OR56A1: variants seen among roughly 807,000 people sequenced by gnomAD.
OR56A1 encodes the protein olfactory receptor family 56 subfamily A member 1.
For missense variants in OR56A1, 360 were observed against 380.9 expected (o/e 0.94, Z 0.46); for synonymous variants, 174 against 159.1 (o/e 1.09, Z -0.70).
upstream of OR56A1, among the ~76,000 whole-genome samples, chr11:6,031,674 G>A (rs1464145461): frequency 6.6e-6 from 1 of 152,206 alleles, no homozygotes; most frequent in Non-Finnish European, 1.5e-5. Context: ...GTAAAATACA[G>A]CTAAATGAGT....
rs1564815999 is a variant in OR56A1 at position 6,026,082 on chromosome 11, C to T, written c.*666G>A. 1 of 152,202 alleles carries T rather than the reference C, an allele frequency of 6.6e-6. No individual in the cohort carries two copies. The highest frequency in any genetic ancestry group is 6.5e-5 in the Admixed American group (1 of 15,276). 9.4% of individuals were successfully genotyped at this position (152,202 alleles called of 1,614,324 possible). A position where few individuals can be genotyped will look rare whatever the true frequency, so the allele number is the denominator to read the frequency against. On this transcript the variant is annotated 3_prime_UTR_variant, in exon 2 of 2. Coordinates refer to ENST00000641900, the MANE Select transcript of OR56A1 (RefSeq NM_001388488.1). The stretch of plus-strand genomic sequence containing the variant: ...TCCTGTTTCCTACTCTCTTAGGGTC[C>T]CCTCTACCTGTCTGCATCCATCCTC...
At position 6,027,641 on chromosome 11, in the gene OR56A1, T is replaced by C. The variant is rs1180677107; in HGVS notation, c.52A>G (p.Ile18Val). 7 of 1,610,838 alleles carry C rather than the reference T, an allele frequency of 4.3e-6. No individual in the cohort carries two copies. The East Asian group carries it at 8.9e-5, about 21-fold the overall frequency. Residue 18 changes from isoleucine to valine, a missense_variant, in exon 2 of 2, where the codon ATC becomes GTC. Ile to Val is a conservative substitution (Grantham distance 29). Coordinates refer to ENST00000641900, the MANE Select transcript of OR56A1 (RefSeq NM_001388488.1). ...STVPVSEFLLICFPNFQSWQH... is the reference protein window; with the variant it reads ...STVPVSEFLLVCFPNFQSWQH... ...CAACTCTGGAAGTTGGGGAAGCAGA[T>C]GAGGAGGAATTCAGAGACTGGGACA...
At chr11:6,029,826 T>C (rs1848495572) in intron 1 of OR56A1, among the ~76,000 whole-genome samples, 1 of 152,182 alleles carries the variant, frequency 6.6e-6, no homozygotes, top group African/African-American at 2.4e-5. Context: ...ATCTTGTCTA[T>C]GTCATTAGAC....
rs1424606959 is a variant in OR56A1, at chr11:6,019,815, A to C, written c.*6933T>G. ...AGTGAATGTCAGAAGGCTTTTTCTC[A>C]AAAGCATTTAGGCACAGTATTCAAT... is the stretch of plus-strand genomic sequence containing the variant. On this transcript the variant is annotated 3_prime_UTR_variant, in exon 2 of 2. Transcript: ENST00000641900. 1 of 152,112 alleles carries C rather than the reference A, an allele frequency of 6.6e-6. No homozygotes were observed. The highest frequency in any genetic ancestry group is 2.4e-5 in the African/African-American group (1 of 41,436). The allele number at this position is 152,112 out of a possible 1,614,324, so 9.4% of individuals were successfully genotyped here.
At chr11:6,031,707 T>C (rs892661914), upstream of OR56A1, among the ~76,000 whole-genome samples, 2 of 152,184 alleles carry the variant, frequency 1.3e-5, no homozygotes, top group Admixed American at 1.3e-4. Flanking sequence ...TACTGGGATA[T>C]GTCAAGAACG....
Position 6,027,242 on chromosome 11 carries a change from T to C in OR56A1, c.451A>G (p.Ile151Val), listed in dbSNP as rs2133605896. 4 of 1,614,184 alleles carry C rather than the reference T, an allele frequency of 2.5e-6. No individual in the cohort carries two copies. Among genetic ancestry groups the C allele is most frequent in the Non-Finnish European group, 3.4e-6 (4 of 1,180,036 alleles). ...NQFVAKASVFIVVRNALLTAP... is the reference protein window; with the variant it reads ...NQFVAKASVFVVVRNALLTAP... ...GTAAGAAGCGCATTCCGCACCACAATGAAGACACTAGCTTTGGCCACAAAT... is the reference window on the plus strand; with the variant it reads ...GTAAGAAGCGCATTCCGCACCACAACGAAGACACTAGCTTTGGCCACAAAT... Residue 151 changes from isoleucine to valine, a missense_variant, in exon 2 of 2, where the codon ATT becomes GTT. Ile to Val is a conservative substitution (Grantham distance 29). Transcript: ENST00000641900.
At position 6,027,273 on chromosome 11, in the gene OR56A1, A is replaced by C. The variant is rs1268225410; in HGVS notation, c.420T>G (p.Thr140=). 4 of 1,614,102 alleles carry C rather than the reference A, an allele frequency of 2.5e-6. No individual in the cohort carries two copies. The South Asian group carries it at 4.4e-5, about 18-fold the overall frequency. The change falls in exon 2 of 2, where the codon ACT becomes ACG. Residue 140 remains threonine, a synonymous_variant. Coordinates refer to ENST00000641900, the MANE Select transcript of OR56A1 (RefSeq NM_001388488.1). ...CACTAGCTTTGGCCACAAATTGATT[A>C]GTGATGATGGATGGGTACCGCAGTG... ...CHPLRYPSII[T]NQFVAKASVF... is the part of the protein sequence containing the mutation.
At position 6,027,626 on chromosome 11, in the gene OR56A1, A is replaced by G. The variant is rs369214626; in HGVS notation, c.67T>C (p.Phe23Leu). Residue 23 changes from phenylalanine to leucine, a missense_variant, in exon 2 of 2, where the codon TTC becomes CTC. Transcript: ENST00000641900. ...SEFLLICFPN[F>L]QSWQHWLSLP... Reference sequence around the variant, plus strand: ...GAGAGCCAGTGCTGCCAACTCTGGAAGTTGGGGAAGCAGATGAGGAGGAAT... The same window carrying G: ...GAGAGCCAGTGCTGCCAACTCTGGAGGTTGGGGAAGCAGATGAGGAGGAAT... 6.6e-5 allele frequency: 106 copies of G among 1,613,188 alleles called. 1 individual carries two copies. Among genetic ancestry groups the G allele is most frequent in the Non-Finnish European group, 8.6e-5 (101 of 1,179,640 alleles).
At chr11:6,032,116 C>G (rs573692730), upstream of OR56A1, among the ~76,000 whole-genome samples, 1 of 152,080 alleles carries the variant, frequency 6.6e-6, no homozygotes, top group Non-Finnish European at 1.5e-5. Flanking sequence ...ATTCATTTGA[C>G]TGGTAGCAAC....
chr11:6,026,815 A>G lies in OR56A1; in HGVS notation c.878T>C (p.Ile293Thr), dbSNP rs1201643632. 2 of 1,614,032 alleles carry G rather than the reference A, an allele frequency of 1.2e-6. No individual in the cohort carries two copies. Among genetic ancestry groups the G allele is most frequent in the South Asian group, 1.1e-5 (1 of 91,078 alleles). Residue 293 changes from isoleucine to threonine, a missense_variant, in exon 2 of 2, where the codon ATT (isoleucine) becomes ACT (threonine). Ile to Thr is a moderately conservative substitution (Grantham distance 89). Coordinates refer to ENST00000641900, the MANE Select transcript of OR56A1 (RefSeq NM_001388488.1). ...CTCTTTGGTCCGAACCCCATACACAATAGGGTTCAATGCAGGAGGAATAAG... is the reference window on the plus strand; with the variant it reads ...CTCTTTGGTCCGAACCCCATACACAGTAGGGTTCAATGCAGGAGGAATAAG... Reference protein sequence around the residue: ...HHLIPPALNPIVYGVRTKEIK... With the variant: ...HHLIPPALNPTVYGVRTKEIK...
chr11:6,021,063 G>C lies in OR56A1; in HGVS notation c.*5685C>G, dbSNP rs900401861. On this transcript the variant is annotated 3_prime_UTR_variant, in exon 2 of 2. Coordinates refer to ENST00000641900, the MANE Select transcript of OR56A1 (RefSeq NM_001388488.1). ...GCCTTAAAATAAACATCATTAAGTA[G>C]AAAAAGAGTGGCATGGAGAAAGGGA... is the stretch of plus-strand genomic sequence containing the variant. 2.0e-5 allele frequency: 3 copies of C among 152,010 alleles called. No homozygotes were observed. The highest frequency in any genetic ancestry group is 7.2e-5 in the African/African-American group (3 of 41,416). The allele number at this position is 152,010 out of a possible 1,614,324, so 9.4% of individuals were successfully genotyped here.
In OR56A1 at chr11:6,020,205, C is replaced by G. The variant is rs910009168; in HGVS notation, c.*6543G>C. The G allele has an allele frequency of 6.6e-6, 1 of 152,106 alleles. No homozygotes were observed. Among genetic ancestry groups the G allele is most frequent in the Non-Finnish European group, 1.5e-5 (1 of 67,988 alleles). The allele number at this position is 152,106 out of a possible 1,614,324, so 9.4% of individuals were successfully genotyped here. ...TTCCAATCAAATACCAGGATCTTAA[C>G]ATAATCATAGCAGAATGTCAAGGCA... is the stretch of plus-strand genomic sequence containing the variant. On this transcript the variant is annotated 3_prime_UTR_variant, in exon 2 of 2. Transcript: ENST00000641900.
At chr11:6,032,326 T>G (rs1317793881), upstream of OR56A1, among the ~76,000 whole-genome samples, 1 of 152,126 alleles carries the variant, frequency 6.6e-6, no homozygotes, top group African/African-American at 2.4e-5. Context: ...GGTAGCTACT[T>G]CACTGAGGAA....
rs993807536 is a variant in OR56A1 at position 6,024,654 on chromosome 11, T to C, written c.*2094A>G. ...ATTAAATATTATTATTCATAGACAT[T>C]GGTATATTGCAAGTGCTCAAAACAC... On this transcript the variant is annotated 3_prime_UTR_variant, in exon 2 of 2. Transcript: ENST00000641900. 1 of 152,216 alleles carries C rather than the reference T, an allele frequency of 6.6e-6. No homozygotes were observed. The highest frequency in any genetic ancestry group is 1.5e-5 in the Non-Finnish European group (1 of 68,030). 9.4% of individuals were successfully genotyped at this position (152,216 alleles called of 1,614,324 possible).
At chr11:6,031,711 A>C (rs1316741181), upstream of OR56A1, among the ~76,000 whole-genome samples, 2 of 152,206 alleles carry the variant, frequency 1.3e-5, no homozygotes, top group African/African-American at 2.4e-5. Context: ...GGGATATGTC[A>C]AGAACGAGGT....
upstream of OR56A1, among the ~76,000 whole-genome samples, chr11:6,031,562 A>T (rs1367704389): frequency 6.6e-6 from 1 of 152,176 alleles, no homozygotes; most frequent in Admixed American, 6.5e-5. Context: ...AGTCATATAG[A>T]CAGAACTTAT....
rs1848457609 is a variant in OR56A1 at position 6,027,091 on chromosome 11, T to G, written c.602A>C (p.Tyr201Ser). The change falls in exon 2 of 2, where the codon TAC (tyrosine) becomes TCC (serine). Residue 201 changes from tyrosine to serine, a missense_variant. By Grantham distance (144) the Tyr-to-Ser change is moderately radical (BLOSUM62 -2). Coordinates refer to ENST00000641900, the MANE Select transcript of OR56A1 (RefSeq NM_001388488.1). ...SCDNFTLNRI[Y>S]QFVAGWTLLG... ...CAAGGTCCAACCAGCCACAAATTGGTAGATTCTGTTAAGGGTGAAATTATC... is the reference window on the plus strand; with the variant it reads ...CAAGGTCCAACCAGCCACAAATTGGGAGATTCTGTTAAGGGTGAAATTATC... 2 of 1,614,132 alleles carry G rather than the reference T, an allele frequency of 1.2e-6. No homozygotes were observed. Among genetic ancestry groups the G allele is most frequent in the Non-Finnish European group, 1.7e-6 (2 of 1,180,002 alleles).
chr11:6,020,433 ATCCATGAGCACGG>A lies in OR56A1; in HGVS notation c.*6302_*6314del, dbSNP rs1329481419. The A allele has an allele frequency of 3.9e-5, 6 of 152,206 alleles. No homozygotes were observed. The highest frequency in any genetic ancestry group is 1.4e-4 in the African/African-American group (6 of 41,554). 9.4% of individuals were successfully genotyped at this position (152,206 alleles called of 1,614,324 possible). A position where few individuals can be genotyped will look rare whatever the true frequency, so the allele number is the denominator to read the frequency against. On this transcript the variant is annotated 3_prime_UTR_variant, in exon 2 of 2. Coordinates refer to ENST00000641900, the MANE Select transcript of OR56A1 (RefSeq NM_001388488.1). The stretch of plus-strand genomic sequence containing the variant: ...GATTTTAATGGTACTGATTCTTCCT[ATCCATGAGCACGG>A]GATGTCTGTCCATTAGTTTGTATCT...
intron 1 of OR56A1, among the ~76,000 whole-genome samples, chr11:6,027,987 CAT>C (rs756347343): frequency 2.0e-5 from 3 of 150,412 alleles, no homozygotes; most frequent in Non-Finnish European, 4.4e-5. Context: ...TATGTTAAAA[CAT>C]ATTACAAACA....
Sources: allele counts gnomAD v4.1 joint callset (sites outside exome capture counted in the v4.1 genomes callset), GRCh38; gene constraint gnomAD v4.1.1; transcripts MANE v1.5; gene names NCBI Gene and HGNC (gene_info 2026-07-23, HGNC 2026-07-21).